The following CA8 variants were observed in gnomAD, a reference collection of about 807,000 sequenced individuals.
CA8 encodes carbonic anhydrase 8 (inactive).
A neutral mutation model predicts 41.4 loss-of-function variants in CA8; 22 were observed. The ratio of observed to expected loss-of-function variants is 0.53; its 90% CI spans 0.38 to 0.76. The LOEUF (loss-of-function observed/expected upper bound fraction) is 0.76, where lower values mean the gene tolerates loss of function less well. Ranked by LOEUF, CA8 falls within the 30% of genes least tolerant of loss-of-function variation. The pLI, the probability that CA8 is intolerant of heterozygous loss-of-function variation, is 0.00. For synonymous variants in CA8, 121 were observed against 130.6 expected (o/e 0.93, Z 0.50); for missense variants, 270 against 352.8 (o/e 0.77, Z 1.88).
In CA8 at chr8:60,186,885, G is replaced by A. The variant is rs1380760236; in HGVS notation, c.*3136C>T. The stretch of plus-strand genomic sequence containing the variant: ...TGAAGGAAGAGATTATTCAACAACA[G>A]TCAGAGAATTCAATACACTACTTTC... On this transcript the variant is annotated 3_prime_UTR_variant, in exon 9 of 9. Transcript: ENST00000317995. Among the ~76,000 whole-genome samples, 2 of 151,994 alleles carry A rather than the reference G, an allele frequency of 1.3e-5. No homozygotes were observed. The highest frequency in any genetic ancestry group is 2.9e-5 in the Non-Finnish European group (2 of 67,902).
At chr8:60,212,043 G>T (rs1473001498) in intron 7 of CA8, among the ~76,000 whole-genome samples, 5 of 152,086 alleles carry the variant, frequency 3.3e-5, no homozygotes, top group Admixed American at 6.6e-5. Flanking sequence ...TGTGTTATTT[G>T]TTTTTAACCA....
chr8:60,201,310 T>C (rs1400612600), intron 8 of CA8, among the ~76,000 whole-genome samples: 5 of 152,172 alleles, frequency 3.3e-5, no homozygotes, highest in Admixed American at 3.3e-4. Context: ...GAGTCATGTG[T>C]TGTTAGTGGT....
At chr8:60,262,109 T>C (rs1411591719) in intron 3 of CA8, among the ~76,000 whole-genome samples, 3 of 152,172 alleles carry the variant, frequency 2.0e-5, no homozygotes, top group Non-Finnish European at 4.4e-5. Flanking sequence ...TAAAAATTCA[T>C]CCTAATTTAC....
chr8:60,252,102 T>C (rs1808474849), intron 3 of CA8, among the ~76,000 whole-genome samples: 1 of 152,170 alleles, frequency 6.6e-6, no homozygotes, highest in Admixed American at 6.5e-5. Flanking sequence ...TATTCTATTT[T>C]AAAAAATTTA....
chr8:60,265,772 G>C (rs1158347044), intron 3 of CA8, 153 bp downstream of exon 3: 2 of 813,606 alleles, frequency 2.5e-6, no homozygotes, highest in Non-Finnish European at 3.9e-6. Flanking sequence ...TGCTGCCCTA[G>C]GCTTCCATTG....
chr8:60,256,548 A>G (rs1259736411), intron 3 of CA8, among the ~76,000 whole-genome samples: 3 of 152,232 alleles, frequency 2.0e-5, no homozygotes, highest in Non-Finnish European at 4.4e-5. Context: ...CAAATATCTT[A>G]CTAACATCCC....
intron 3 of CA8, among the ~76,000 whole-genome samples, chr8:60,260,004 G>T (rs1258989153): frequency 1.3e-5 from 2 of 152,140 alleles, no homozygotes; most frequent in Non-Finnish European, 2.9e-5. Context: ...TTTAGTGTCA[G>T]TCCTAACTCC....
At chr8:60,230,622 G>A (rs1807615574) in intron 4 of CA8, among the ~76,000 whole-genome samples, 1 of 141,974 alleles carries the variant, frequency 7.0e-6, no homozygotes. Context: ...CTTCCTTCCT[G>A]AAATTTTGCT....
intron 8 of CA8, among the ~76,000 whole-genome samples, chr8:60,198,336 T>C (rs892237232): frequency 9.9e-5 from 15 of 152,198 alleles, no homozygotes; most frequent in African/African-American, 3.6e-4. Flanking sequence ...AAAAAGCAGT[T>C]GTTCTTTTTG....
intron 3 of CA8, among the ~76,000 whole-genome samples, chr8:60,246,131 A>G (rs1247393961): frequency 6.6e-6 from 1 of 152,220 alleles, no homozygotes; most frequent in Non-Finnish European, 1.5e-5. Flanking sequence ...TGGTCTGCAC[A>G]GTCACAAGTG....
intron 4 of CA8, among the ~76,000 whole-genome samples, chr8:60,231,147 G>A (rs1373916246): frequency 6.6e-6 from 1 of 151,962 alleles, no homozygotes; most frequent in Non-Finnish European, 1.5e-5. Context: ...AAATATATTT[G>A]TATAATGAAA....
chr8:60,195,189 T>C (rs563271477), intron 8 of CA8, among the ~76,000 whole-genome samples: 1 of 152,354 alleles, frequency 6.6e-6, no homozygotes, highest in South Asian at 2.1e-4. Flanking sequence ...GTGTTCATAA[T>C]GATGACCTCA....
rs190574112 is a variant in CA8 at position 60,251,372 on chromosome 8, T to C, written c.417+14553A>G. On this transcript the variant is annotated intron_variant, in intron 3 of 8. Transcript: ENST00000317995. ...CTATATGCCAGGAACTAAAATTCTA[T>C]TAAAAGTCAAGCCAAACTTTCAAAT... Among the ~76,000 whole-genome samples the C allele has an allele frequency of 2.5e-3, 380 of 152,352 alleles. 2 individuals carry two copies. The highest frequency in any genetic ancestry group is 7.7e-3 in the African/African-American group (322 of 41,586).
chr8:60,202,792 G>T (rs1369452914), intron 8 of CA8, among the ~76,000 whole-genome samples: 2 of 152,028 alleles, frequency 1.3e-5, no homozygotes, highest in Non-Finnish European at 2.9e-5. Flanking sequence ...AACATATTCT[G>T]CAATCTCGTA....
rs952290544 is a variant in CA8 at position 60,276,235 on chromosome 8, G to A, written c.292+3454C>T. 3.3e-5 allele frequency among the ~76,000 whole-genome samples: 5 copies of A among 152,146 alleles called. No homozygotes were observed. The East Asian group carries it at 5.8e-4, about 18-fold the overall frequency. ...CTTCCACGGCATCCAGGAAACATCC[G>A]ATCTAACACAGGAGACAAACAAGGG... On this transcript the variant is annotated intron_variant, in intron 2 of 8. Coordinates refer to ENST00000317995, the MANE Select transcript of CA8 (RefSeq NM_004056.6).
chr8:60,263,824 C>T lies in CA8; in HGVS notation c.417+2101G>A, dbSNP rs566665281. ...AAAATATATCAATAAACAATCCTGGCTTGCAGAGATCTCCTTCTAGTTCTG... is the reference window on the plus strand; with the variant it reads ...AAAATATATCAATAAACAATCCTGGTTTGCAGAGATCTCCTTCTAGTTCTG... On this transcript the variant is annotated intron_variant, in intron 3 of 8. Transcript: ENST00000317995. 8.5e-5 allele frequency among the ~76,000 whole-genome samples: 13 copies of T among 152,364 alleles called. No individual in the cohort carries two copies. The East Asian group carries it at 2.5e-3, about 29-fold the overall frequency.
chr8:60,268,511 T>A (rs1803969291), intron 2 of CA8, among the ~76,000 whole-genome samples: 1 of 152,130 alleles, frequency 6.6e-6, no homozygotes, highest in Admixed American at 6.5e-5. Context: ...GCTCAAAACT[T>A]CCTTAACAGC....
chr8:60,214,720 T>A (rs569272397), intron 7 of CA8, among the ~76,000 whole-genome samples: 2 of 152,078 alleles, frequency 1.3e-5, no homozygotes, highest in Non-Finnish European at 2.9e-5. Flanking sequence ...ACTCGGGCTG[T>A]CAGGATGTAA....
chr8:60,237,056 G>T (rs887484603), intron 3 of CA8, among the ~76,000 whole-genome samples: 3 of 152,190 alleles, frequency 2.0e-5, no homozygotes, highest in African/African-American at 7.2e-5. Context: ...TCTATGGAGA[G>T]GGCAGGATAC....
Sources: allele counts gnomAD v4.1 joint callset (sites outside exome capture counted in the v4.1 genomes callset), GRCh38; gene constraint gnomAD v4.1.1; transcripts MANE v1.5; gene names NCBI Gene and HGNC (gene_info 2026-07-23, HGNC 2026-07-21).